The following SNX1 variants were observed in gnomAD, a reference collection of about 807,000 sequenced individuals.
SNX1 encodes the protein sorting nexin 1, also known as sorting nexin-1.
Under a neutral mutation model 71.8 loss-of-function variants are expected in SNX1, and 36 were observed. The observed-to-expected ratio is 0.50, with a 90% CI of 0.38 to 0.66. The LOEUF (loss-of-function observed/expected upper bound fraction) is 0.66, where lower values mean the gene tolerates loss of function less well. Ranked by LOEUF, SNX1 falls within the 30% of genes least tolerant of loss-of-function variation. The pLI is 0.00. For missense variants in SNX1, 612 were observed against 646.7 expected (o/e 0.95, Z 0.58); for synonymous variants, 254 against 240.7 (o/e 1.06, Z -0.51).
At chr15:64,135,068 C>T (rs2081344351) in intron 12 of SNX1, 2 of 439,448 alleles carry the variant, frequency 4.6e-6, no homozygotes, top group African/African-American at 2.0e-5. Flanking sequence ...AATCCTAGCA[C>T]TTTGGGAGGC....
At chr15:64,106,748 A>G (rs534967345) in intron 1 of SNX1, among the ~76,000 whole-genome samples, 1 of 152,322 alleles carries the variant, frequency 6.6e-6, no homozygotes, top group African/African-American at 2.4e-5. Flanking sequence ...TTGAAGATGG[A>G]AGAAGTGGGC....
chr15:64,134,320 T>G lies in SNX1; in HGVS notation c.1222-344T>G, dbSNP rs2140160772. ...TTAGCTCCTGGCACATGGCAGGCAC[T>G]CAGGGAAAGTATGTAGCCTTATGAA... On this transcript the variant is annotated intron_variant, in intron 11 of 14. Coordinates refer to ENST00000559844, the MANE Select transcript of SNX1 (RefSeq NM_003099.5). This position sits in a 1 kb window ranked among gnomAD's most constrained non-coding sequence, Gnocchi z 4.1. 1 of 201,130 alleles carries G rather than the reference T, an allele frequency of 5.0e-6. No individual in the cohort carries two copies. Among genetic ancestry groups the G allele is most frequent in the East Asian group, 1.1e-4 (1 of 8,716 alleles). 12.5% of individuals were successfully genotyped at this position (201,130 alleles called of 1,614,324 possible). A position where few individuals can be genotyped will look rare whatever the true frequency, so the allele number is the denominator to read the frequency against.
chr15:64,117,793 AAAAT>A (rs1267167434), intron 2 of SNX1, among the ~76,000 whole-genome samples: 1 of 152,166 alleles, frequency 6.6e-6, no homozygotes, highest in Non-Finnish European at 1.5e-5. Context: ...CTCTGTCTAA[AAAAT>A]AAATAAAATT....
At chr15:64,105,673 A>T (rs1464202295) in intron 1 of SNX1, among the ~76,000 whole-genome samples, 2 of 152,126 alleles carry the variant, frequency 1.3e-5, no homozygotes, top group East Asian at 3.8e-4. Context: ...GCCCTTTCTA[A>T]GTTTTGTTAG....
intron 4 of SNX1, among the ~76,000 whole-genome samples, chr15:64,119,418 A>G (rs1342857379): frequency 6.6e-6 from 1 of 152,098 alleles, no homozygotes; most frequent in African/African-American, 2.4e-5. Context: ...CACCGCACCC[A>G]GCTAGAGTCT....
At position 64,127,716 on chromosome 15, in the gene SNX1, C is replaced by T. The variant is rs1170613827; in HGVS notation, c.732-15C>T. The T allele has an allele frequency of 6.2e-7, 1 of 1,608,836 alleles. No homozygotes were observed. The highest frequency in any genetic ancestry group is 2.2e-5 in the East Asian group (1 of 44,884). The stretch of plus-strand genomic sequence containing the variant: ...GCCAGCTCAACTAACCAGATGATAA[C>T]TGCTTACCTTTTAGGTACCTTCAGA... On this transcript the variant is annotated splice_polypyrimidine_tract_variant and intron_variant, in intron 7 of 14. Transcript: ENST00000559844.
Position 64,143,438 on chromosome 15 carries a change from A to G in SNX1, c.*5820A>G, listed in dbSNP as rs2081434378. 1 of 152,240 alleles carries G rather than the reference A, an allele frequency of 6.6e-6. No homozygotes were observed. The highest frequency in any genetic ancestry group is 6.5e-5 in the Admixed American group (1 of 15,290). The allele number at this position is 152,240 out of a possible 1,614,324, so 9.4% of individuals were successfully genotyped here. Reference sequence around the variant, plus strand: ...GGCCCCAGCAAAGGTTCAGGCTCAAAACAGGTGTCAAATAGATAACTGTTG... The same window carrying G: ...GGCCCCAGCAAAGGTTCAGGCTCAAGACAGGTGTCAAATAGATAACTGTTG... On this transcript the variant is annotated 3_prime_UTR_variant, in exon 15 of 15. Transcript: ENST00000559844.
chr15:64,126,054 C>T (rs1240719469), intron 5 of SNX1, 25 bp from the exon 6 acceptor site: 2 of 1,613,392 alleles, frequency 1.2e-6, no homozygotes, highest in Non-Finnish European at 1.7e-6. Flanking sequence ...AATGAAATTG[C>T]CTTGTGTTTT....
intron 3 of SNX1, among the ~76,000 whole-genome samples, 157 bp downstream of exon 3, chr15:64,118,401 T>C (rs2081155370): frequency 6.6e-6 from 1 of 152,218 alleles, no homozygotes; most frequent in Admixed American, 6.5e-5. Context: ...TACAGGAGTC[T>C]TTCTTGAGCA....
chr15:64,122,789 T>C (rs2081209140), intron 4 of SNX1, among the ~76,000 whole-genome samples: 1 of 152,222 alleles, frequency 6.6e-6, no homozygotes, highest in Non-Finnish European at 1.5e-5. Flanking sequence ...ATGGCATCTT[T>C]ATCTCCTTAA....
At chr15:64,105,051 A>G (rs2081005775) in intron 1 of SNX1, among the ~76,000 whole-genome samples, 1 of 152,000 alleles carries the variant, frequency 6.6e-6, no homozygotes, top group South Asian at 2.1e-4. Context: ...CCTGGCTAAC[A>G]TGGCGAACCC....
chr15:64,123,464 G>A, intron 4 of SNX1, 39 bp from the exon 5 acceptor site: 1 of 1,591,250 alleles, frequency 6.3e-7, no homozygotes, highest in East Asian at 2.2e-5. Flanking sequence ...CACTGCTTTG[G>A]TTTACAAGAT....
intron 2 of SNX1, among the ~76,000 whole-genome samples, chr15:64,117,681 A>G (rs963622253): frequency 6.6e-5 from 10 of 152,196 alleles, no homozygotes; most frequent in Non-Finnish European, 1.2e-4. Context: ...AGTACCACCT[A>G]TTCAGGAGGC....
At chr15:64,125,499 G>GC (rs1433496438) in intron 5 of SNX1, among the ~76,000 whole-genome samples, 1 of 150,064 alleles carries the variant, frequency 6.7e-6, no homozygotes, top group Non-Finnish European at 1.5e-5. Flanking sequence ...TGAAGAATGA[G>GC]CTGGGCATGG....
At chr15:64,112,834 C>T (rs2081091119) in intron 2 of SNX1, 150 bp downstream of exon 2, 2 of 532,744 alleles carry the variant, frequency 3.8e-6, no homozygotes, top group Non-Finnish European at 6.6e-6. Flanking sequence ...ACATGAAATA[C>T]AGGCCCTGCC....
chr15:64,105,090 C>G (rs747686760), intron 1 of SNX1, among the ~76,000 whole-genome samples: 6 of 151,574 alleles, frequency 4.0e-5, no homozygotes, highest in Non-Finnish European at 8.8e-5. Context: ...CAAAAATTAG[C>G]CAGGCGTGGT....
intron 1 of SNX1, among the ~76,000 whole-genome samples, chr15:64,105,218 C>CAAAA (rs5813278): frequency 7.1e-6 from 1 of 141,834 alleles, no homozygotes; most frequent in Non-Finnish European, 1.5e-5. Flanking sequence ...GACTCTGTCT[C>CAAAA]AAAAAAAAAA....
At chr15:64,104,430 G>A (rs139403537) in intron 1 of SNX1, among the ~76,000 whole-genome samples, 2,880 of 151,890 alleles carry the variant, frequency 0.019, 105 homozygotes, top group African/African-American at 0.065. Context: ...CCGCCACCAC[G>A]CCCGGCTAAT....
Position 64,136,851 on chromosome 15 carries a change from T to C in SNX1, c.1447-10T>C. 6.2e-7 allele frequency: 1 copy of C among 1,610,868 alleles called. No individual in the cohort carries two copies. Among genetic ancestry groups the C allele is most frequent in the Non-Finnish European group, 8.5e-7 (1 of 1,177,350 alleles). The stretch of plus-strand genomic sequence containing the variant: ...AAACTGGATGGTCAGTGTAGAATCT[T>C]GTCTCCTAGAAAGAGAAATCCAAGG... On this transcript the variant is annotated splice_polypyrimidine_tract_variant and intron_variant, in intron 13 of 14. Transcript: ENST00000559844.
Sources: gnomAD v4.1 joint callset for allele counts (sites outside exome capture counted in the v4.1 genomes callset) on GRCh38, gnomAD v4.1.1 for gene constraint, Gnocchi (gnomAD v3.1) non-coding constraint, MANE v1.5 for transcripts, NCBI Gene and HGNC (gene_info 2026-07-23, HGNC 2026-07-21) for gene names.